The following CDH13 variants were observed in gnomAD, a reference collection of about 807,000 sequenced individuals.
CDH13 encodes cadherin-13.
Under a neutral mutation model 63.8 loss-of-function variants are expected in CDH13, and 24 were observed. The ratio of observed to expected loss-of-function variants is 0.38; its 90% confidence interval spans 0.27 to 0.53. The LOEUF (loss-of-function observed/expected upper bound fraction) is 0.53, where lower values mean the gene tolerates loss of function less well. CDH13 is among the 20% of genes least tolerant of loss of function. CDH13 has a pLI of 0.85. For missense variants in CDH13, 1,049 were observed against 903.1 expected, an observed-to-expected ratio of 1.16 and a Z score of -2.07; for synonymous variants, 503 against 355.3, an observed-to-expected ratio of 1.42 and a Z score of -4.67.
chr16:83,499,467 G>C (rs1159049987), intron 7 of CDH13, among the ~76,000 whole-genome samples: 1 of 152,214 alleles, frequency 6.6e-6, no homozygotes, highest in Non-Finnish European at 1.5e-5. Flanking sequence ...CACCAGCCTT[G>C]TGCTAGAGAA....
rs563369882 is a variant in CDH13 at position 83,049,992 on chromosome 16, A to G, written c.366+17774A>G. ...AAAATAGTAATTGTTAGTAATAATA[A>G]TGCTACAAAAACGTTGTATACTTGC... On this transcript the variant is annotated intron_variant, in intron 3 of 13. Coordinates refer to ENST00000567109, the MANE Select transcript of CDH13 (RefSeq NM_001257.5). 5.1e-4 allele frequency among the ~76,000 whole-genome samples: 78 copies of G among 152,338 alleles called. 1 individual carries two copies. In the South Asian group the frequency reaches 0.016, roughly 31 times the overall value.
At chr16:83,568,666 G>A (rs1274085223) in intron 7 of CDH13, among the ~76,000 whole-genome samples, 1 of 152,166 alleles carries the variant, frequency 6.6e-6, no homozygotes, top group Non-Finnish European at 1.5e-5. Flanking sequence ...GGGAAGGACT[G>A]AGAAGACAGA....
chr16:83,678,350 T>C lies in CDH13; in HGVS notation c.1427T>C (p.Val476Ala). The C allele has an allele frequency of 5.0e-6, 8 of 1,613,928 alleles. No individual in the cohort carries two copies. The highest frequency in any genetic ancestry group is 6.8e-6 in the Non-Finnish European group (8 of 1,179,866). The change falls in exon 10 of 14, where the codon GTC (valine) becomes GCC (alanine). Residue 476 changes from valine to alanine, a missense_variant. Val to Ala is a moderately conservative substitution (Grantham distance 64). Coordinates refer to ENST00000567109, the MANE Select transcript of CDH13 (RefSeq NM_001257.5). ...GTCCTGGATGTCAACGAGGGCCCAGTCTTCTACCCAGACCCCATGATGGTG... is the reference window on the plus strand; with the variant it reads ...GTCCTGGATGTCAACGAGGGCCCAGCCTTCTACCCAGACCCCATGATGGTG... ...ITVLDVNEGP[V>A]FYPDPMMVTR...
intron 5 of CDH13, among the ~76,000 whole-genome samples, chr16:83,327,224 C>T (rs192925803): frequency 2.8e-4 from 42 of 152,338 alleles, no homozygotes; most frequent in African/African-American, 8.9e-4. Flanking sequence ...CATATACTAT[C>T]AGTCACTGCC....
chr16:82,811,165 T>G (rs751348207), intron 1 of CDH13, among the ~76,000 whole-genome samples: 1 of 152,222 alleles, frequency 6.6e-6, no homozygotes, highest in Non-Finnish European at 1.5e-5. Context: ...TCTTACCAGC[T>G]TGTCAAAGCT....
At chr16:82,705,234 G>A (rs2031393166) in intron 1 of CDH13, 1 of 449,436 alleles carries the variant, frequency 2.2e-6, no homozygotes. Flanking sequence ...ATGAGAGGGA[G>A]GACAAGGTGC....
At chr16:83,323,280 T>A (rs1181726558) in intron 5 of CDH13, among the ~76,000 whole-genome samples, 3 of 96,302 alleles carry the variant, frequency 3.1e-5, no homozygotes, top group Admixed American at 1.0e-4. Context: ...TTTTCTTTTT[T>A]TCTTTTTTTT....
At chr16:83,483,189 A>G (rs916815692) in intron 6 of CDH13, among the ~76,000 whole-genome samples, 1 of 152,172 alleles carries the variant, frequency 6.6e-6, no homozygotes, top group Non-Finnish European at 1.5e-5. Flanking sequence ...CTGCAAACCT[A>G]TTTACATAAC....
intron 2 of CDH13, among the ~76,000 whole-genome samples, chr16:82,890,148 C>G (rs530022115): frequency 8.5e-5 from 13 of 152,330 alleles, no homozygotes; most frequent in Non-Finnish European, 1.5e-5. Flanking sequence ...GCTGCAGTTG[C>G]TAGAGATTCC....
chr16:82,885,568 C>A (rs2040860386), intron 2 of CDH13, among the ~76,000 whole-genome samples: 1 of 152,030 alleles, frequency 6.6e-6, no homozygotes, highest in Admixed American at 6.6e-5. Context: ...TTCACTTATC[C>A]TGCCTTGCAT....
chr16:82,864,706 C>T (rs1393724506), intron 2 of CDH13, among the ~76,000 whole-genome samples: 1 of 152,180 alleles, frequency 6.6e-6, no homozygotes, highest in Non-Finnish European at 1.5e-5. Context: ...CAGAGCCAGA[C>T]CATGTTATTC....
At chr16:82,829,774 C>A (rs2038442059) in intron 1 of CDH13, 1 of 151,934 alleles carries the variant, frequency 6.6e-6, no homozygotes, top group Admixed American at 6.6e-5. Context: ...TCACCTAATT[C>A]CCTGGCAAGC....
chr16:83,216,443 T>TATAC lies in CDH13; in HGVS notation c.484-901_484-900insTACA, dbSNP rs1472700247. On this transcript the variant is annotated intron_variant, in intron 4 of 13. Coordinates refer to ENST00000567109, the MANE Select transcript of CDH13 (RefSeq NM_001257.5). ...ATATATATATATATATATATATATA[T>TATAC]ACACAACCCTAATTTGAGGTTTATA... is the stretch of plus-strand genomic sequence containing the variant. Among the ~76,000 whole-genome samples, 182 of 93,426 alleles carry TATAC rather than the reference T, an allele frequency of 1.9e-3. 14 individuals carry two copies. The highest frequency in any genetic ancestry group is 6.4e-3 in the African/African-American group (162 of 25,374). The allele number at this position is 93,426 out of a possible 152,430, so 61.3% of individuals were successfully genotyped here.
intron 2 of CDH13, among the ~76,000 whole-genome samples, chr16:82,877,623 T>G (rs1340003342): frequency 6.6e-6 from 1 of 152,092 alleles, no homozygotes; most frequent in Non-Finnish European, 1.5e-5. Context: ...GGAAATTCTG[T>G]TTTGTTTTTT....
At chr16:83,255,172 G>A (rs1906104083) in intron 5 of CDH13, among the ~76,000 whole-genome samples, 1 of 152,128 alleles carries the variant, frequency 6.6e-6, no homozygotes, top group Non-Finnish European at 1.5e-5. Flanking sequence ...TGAAAAGGCT[G>A]AGAATTCAGT....
intron 7 of CDH13, among the ~76,000 whole-genome samples, chr16:83,565,330 C>G (rs2075773737): frequency 6.6e-6 from 1 of 151,940 alleles, no homozygotes. Flanking sequence ...CTCCCCAGCC[C>G]TGACAACCCT....
chr16:82,763,110 T>G (rs61355622), intron 1 of CDH13, among the ~76,000 whole-genome samples: 2,238 of 152,294 alleles, frequency 0.015, 58 homozygotes, highest in African/African-American at 0.052. Context: ...CCAGGCGTCC[T>G]TGTACCGCAG....
intron 9 of CDH13, among the ~76,000 whole-genome samples, chr16:83,675,388 A>ATGGC (rs1447464947): frequency 1.3e-5 from 2 of 152,146 alleles, no homozygotes; most frequent in Non-Finnish European, 2.9e-5. Flanking sequence ...CTCACATTGT[A>ATGGC]TGGCTCCCTC....
intron 2 of CDH13, among the ~76,000 whole-genome samples, chr16:82,883,887 C>T (rs544658502): frequency 1.1e-4 from 17 of 152,298 alleles, no homozygotes; most frequent in Admixed American, 1.0e-3. Flanking sequence ...CACTGGAGCC[C>T]AGCTGCTTGG....
Sources: allele counts gnomAD v4.1 joint callset (sites outside exome capture counted in the v4.1 genomes callset), GRCh38; gene constraint gnomAD v4.1.1; transcripts MANE v1.5; gene names NCBI Gene and HGNC (gene_info 2026-07-23, HGNC 2026-07-21).